Variants in CDH8 observed in about 807,000 individuals in gnomAD.
CDH8 encodes the protein cadherin-8.
Under a neutral mutation model 68.1 loss-of-function variants are expected in CDH8, and 17 were observed. That is an observed-to-expected ratio of 0.25 (90% CI 0.17 to 0.37). The LOEUF is 0.37. Ranked by LOEUF, CDH8 falls within the 10% of genes least tolerant of loss-of-function variation. The probability of loss-of-function intolerance (pLI) is 1.00; values close to 1 mark genes in which losing one functional copy is unlikely to be tolerated. For synonymous variants in CDH8, 372 were observed against 365.1 expected, an observed-to-expected ratio of 1.02 and a Z score of -0.21; for missense variants, 763 against 999.3, an observed-to-expected ratio of 0.76 and a Z score of 3.19.
intron 2 of CDH8, among the ~76,000 whole-genome samples, chr16:61,984,010 T>C (rs1333701259): frequency 6.6e-6 from 1 of 152,040 alleles, no homozygotes; most frequent in Admixed American, 6.6e-5. Context: ...CTCTGCCTTC[T>C]GGGTTCAAGC....
chr16:61,721,012 G>T, intron 9 of CDH8, among the ~76,000 whole-genome samples: 1 of 149,428 alleles, frequency 6.7e-6, no homozygotes, highest in East Asian at 2.1e-4. Flanking sequence ...GAAGATTTTA[G>T]GGTTTAAACT....
chr16:61,675,704 A>G (rs561127345), intron 10 of CDH8, among the ~76,000 whole-genome samples: 1 of 151,814 alleles, frequency 6.6e-6, no homozygotes, highest in East Asian at 1.9e-4. Context: ...AAATAACTCA[A>G]TTATGACTTT....
intron 10 of CDH8, among the ~76,000 whole-genome samples, chr16:61,678,111 A>G (rs2142793357): frequency 6.6e-6 from 1 of 151,990 alleles, no homozygotes; most frequent in East Asian, 1.9e-4. Flanking sequence ...TCTACCTATA[A>G]CCTGGAATCT....
intron 1 of CDH8, among the ~76,000 whole-genome samples, chr16:62,035,623 G>A (rs1054593271): frequency 1.3e-5 from 2 of 152,170 alleles, no homozygotes; most frequent in Non-Finnish European, 2.9e-5. Flanking sequence ...AGACCACTCG[G>A]GCCCCCTCGC....
At chr16:61,859,529 T>G (rs905406153) in intron 3 of CDH8, among the ~76,000 whole-genome samples, 1 of 152,170 alleles carries the variant, frequency 6.6e-6, no homozygotes, top group African/African-American at 2.4e-5. Context: ...TGGGCCACTC[T>G]CTCTGTTAGG....
Position 62,036,163 on chromosome 16 carries a change from G to C in CDH8, c.-283C>G, listed in dbSNP as rs957327104. On this transcript the variant is annotated 5_prime_UTR_variant, in exon 1 of 12. Transcript: ENST00000577390. ...TGCTCGGGGTTAGCTCCCGAGGGCG[G>C]CAAGCGCCGACCGGTCCTCGCTCGC... 7 of 152,286 alleles carry C rather than the reference G, an allele frequency of 4.6e-5. No homozygotes were observed. Among genetic ancestry groups the C allele is most frequent in the African/African-American group, 1.4e-4 (6 of 41,472 alleles). The allele number at this position is 152,286 out of a possible 1,614,324, so 9.4% of individuals were successfully genotyped here.
intron 8 of CDH8, among the ~76,000 whole-genome samples, chr16:61,788,958 AAT>A (rs1250602773): frequency 2.6e-5 from 4 of 152,056 alleles, no homozygotes; most frequent in Non-Finnish European, 4.4e-5. Context: ...GTATGATTTA[AAT>A]ATGTGTTTCT....
At chr16:61,724,567 T>G (rs1294395977) in intron 9 of CDH8, among the ~76,000 whole-genome samples, 1 of 150,696 alleles carries the variant, frequency 6.6e-6, no homozygotes. Context: ...GCTGATCCCC[T>G]GAGTTTAGCC....
chr16:61,738,961 C>G lies in CDH8; in HGVS notation c.1415-11746G>C, dbSNP rs142052904. On this transcript the variant is annotated intron_variant, in intron 8 of 11. Coordinates refer to ENST00000577390, the MANE Select transcript of CDH8 (RefSeq NM_001796.5). ...TATACCCTTAAGTACATATTTCTAT[C>G]CTGTTTACATATCTCTTATTTTTTC... Among the ~76,000 whole-genome samples the G allele has an allele frequency of 1.9e-3, 282 of 152,198 alleles. 3 individuals are homozygous for G. The highest frequency in any genetic ancestry group is 0.018 in the Admixed American group (272 of 15,288).
In CDH8 at chr16:61,924,498, C is replaced by G. The variant is rs1346977185; in HGVS notation, c.253-23025G>C. Among the ~76,000 whole-genome samples the G allele has an allele frequency of 2.0e-5, 3 of 152,150 alleles. No homozygotes were observed. The East Asian group carries it at 5.8e-4, about 29-fold the overall frequency. ...GATATTTAATAACAAAATTCCTTCC[C>G]CACCTCTGACCTCTACATTCACTAC... On this transcript the variant is annotated intron_variant, in intron 2 of 11. Transcript: ENST00000577390.
At chr16:61,866,848 G>C (rs1298328753) in intron 3 of CDH8, among the ~76,000 whole-genome samples, 3 of 152,162 alleles carry the variant, frequency 2.0e-5, no homozygotes, top group Non-Finnish European at 2.9e-5. Context: ...GTGCTCTCCA[G>C]AGCAAGCTAC....
At chr16:61,977,226 T>A (rs1200830233) in intron 2 of CDH8, among the ~76,000 whole-genome samples, 1 of 152,182 alleles carries the variant, frequency 6.6e-6, no homozygotes, top group Non-Finnish European at 1.5e-5. Context: ...GAGAATACTT[T>A]GAGTCTTCAG....
intron 2 of CDH8, among the ~76,000 whole-genome samples, chr16:61,966,354 A>G (rs910378437): frequency 6.6e-6 from 1 of 152,056 alleles, no homozygotes; most frequent in Non-Finnish European, 1.5e-5. Flanking sequence ...CTTGGCCAAC[A>G]TGGTGAAACC....
intron 2 of CDH8, among the ~76,000 whole-genome samples, chr16:61,970,975 T>C (rs919264462): frequency 1.1e-4 from 16 of 152,070 alleles, no homozygotes; most frequent in African/African-American, 3.9e-4. Flanking sequence ...CCCCCACCCT[T>C]AAGAAGGTAC....
chr16:61,749,409 G>C (rs974612069), intron 8 of CDH8, among the ~76,000 whole-genome samples: 2 of 151,978 alleles, frequency 1.3e-5, no homozygotes, highest in South Asian at 4.1e-4. Context: ...TCTGTCCCAG[G>C]ATTTCCTCTA....
At chr16:61,893,415 A>AGTGTGTGT (rs139637026) in intron 3 of CDH8, among the ~76,000 whole-genome samples, 68 of 145,740 alleles carry the variant, frequency 4.7e-4, no homozygotes, top group African/African-American at 1.6e-3. Flanking sequence ...TGTGTGTGTG[A>AGTGTGTGT]GTGTGTGTGT....
At chr16:62,008,229 G>A (rs556669762) in intron 2 of CDH8, among the ~76,000 whole-genome samples, 33 of 152,046 alleles carry the variant, frequency 2.2e-4, no homozygotes, top group African/African-American at 6.5e-4. Context: ...GAGCCACTGC[G>A]CCCAGCTTAG....
chr16:61,820,502 T>C (rs888000268), intron 6 of CDH8, among the ~76,000 whole-genome samples: 2 of 151,820 alleles, frequency 1.3e-5, no homozygotes, highest in Non-Finnish European at 2.9e-5. Context: ...GGCCTGTTCT[T>C]ACTGAGAATC....
intron 5 of CDH8, among the ~76,000 whole-genome samples, chr16:61,823,409 T>C (rs902776309): frequency 2.0e-5 from 3 of 151,882 alleles, no homozygotes; most frequent in African/African-American, 7.3e-5. Context: ...TTAGAAATAT[T>C]ATCATTTATC....
Sources: allele counts gnomAD v4.1 joint callset (sites outside exome capture counted in the v4.1 genomes callset), GRCh38; gene constraint gnomAD v4.1.1; transcripts MANE v1.5; gene names NCBI Gene and HGNC (gene_info 2026-07-23, HGNC 2026-07-21).